The following NCOA3 variants were observed in gnomAD, a reference collection of about 807,000 sequenced individuals.
The protein encoded by NCOA3 is CBP-interacting protein.
A neutral mutation model predicts 158.8 loss-of-function variants in NCOA3; 51 were observed. The observed-to-expected ratio is 0.32, with a 90% CI of 0.26 to 0.41. The LOEUF (loss-of-function observed/expected upper bound fraction) is 0.41. Among genes scored for constraint, NCOA3 ranks in the 10% least tolerant of loss-of-function variants. The pLI, the probability that NCOA3 is intolerant of heterozygous loss-of-function variation, is 1.00. For missense variants in NCOA3, 1,510 were observed against 1,746.6 expected (o/e 0.86, Z 2.41); for synonymous variants, 537 against 592.4 (o/e 0.91, Z 1.36).
At chr20:47,516,513 A>G (rs1408902049) in intron 1 of NCOA3, among the ~76,000 whole-genome samples, 1 of 152,202 alleles carries the variant, frequency 6.6e-6, no homozygotes, top group Non-Finnish European at 1.5e-5. Context: ...ATACACACAT[A>G]GAATTAGAAA....
At position 47,652,459 on chromosome 20, in the gene NCOA3, G is replaced by A. The variant is rs759539523; in HGVS notation, c.4000G>A (p.Ala1334Thr). The change falls in exon 21 of 23, where the codon GCA (alanine) becomes ACA (threonine). Residue 1334 changes from alanine to threonine, a missense_variant. Physicochemically the swap from Ala to Thr is moderately conservative, Grantham distance 58. Transcript: ENST00000371998. Reference sequence around the variant, plus strand: ...TGGTCGAGTGTCTAGTCCTCCCAATGCAATGATGTCGTCAAGAATGGGTCC... The same window carrying A: ...TGGTCGAGTGTCTAGTCCTCCCAATACAATGATGTCGTCAAGAATGGGTCC... ...AFGRVSSPPN[A>T]MMSSRMGPSQ... 38 of 1,613,886 alleles carry A rather than the reference G, an allele frequency of 2.4e-5. No homozygotes were observed. Among genetic ancestry groups the A allele is most frequent in the Non-Finnish European group, 3.1e-5 (37 of 1,179,884 alleles).
intron 20 of NCOA3, among the ~76,000 whole-genome samples, chr20:47,651,843 T>A (rs1193062870): frequency 1.3e-5 from 2 of 151,134 alleles, no homozygotes; most frequent in Non-Finnish European, 3.0e-5. Flanking sequence ...TTTTTTTAAA[T>A]TTTTAATAGA....
chr20:47,528,079 T>C (rs543202499), intron 1 of NCOA3, among the ~76,000 whole-genome samples: 52 of 152,320 alleles, frequency 3.4e-4, no homozygotes, highest in African/African-American at 1.2e-3. Flanking sequence ...GCTTTGTTGG[T>C]ACAATTCTAA....
chr20:47,563,707 T>C (rs1014847311), intron 1 of NCOA3, among the ~76,000 whole-genome samples: 1 of 151,362 alleles, frequency 6.6e-6, no homozygotes, highest in Non-Finnish European at 1.5e-5. Flanking sequence ...ACCAACGTGG[T>C]GAAATGCCAT....
Position 47,656,557 on chromosome 20 carries a change from G to A in NCOA3, c.*3140G>A, listed in dbSNP as rs1465062702. 1.3e-5 allele frequency: 2 copies of A among 152,524 alleles called. No individual in the cohort carries two copies. Among genetic ancestry groups the A allele is most frequent in the African/African-American group, 4.8e-5 (2 of 41,386 alleles). The allele number at this position is 152,524 out of a possible 1,614,324, so 9.4% of individuals were successfully genotyped here. ...TAGGTTCCTAGGAGCAAAACCTCAA[G>A]GATTGATTTATTGTTTTCAACTCCA... On this transcript the variant is annotated 3_prime_UTR_variant, in exon 23 of 23. Transcript: ENST00000371998.
intron 1 of NCOA3, among the ~76,000 whole-genome samples, chr20:47,581,796 A>G (rs2085457786): frequency 6.6e-6 from 1 of 152,204 alleles, no homozygotes; most frequent in Admixed American, 6.5e-5. Context: ...TGCTGTTTAT[A>G]TGTTCATGTG....
chr20:47,648,917 C>T (rs1406943425), intron 18 of NCOA3, 88 bp from the exon 19 acceptor site: 5 of 721,920 alleles, frequency 6.9e-6, no homozygotes, highest in African/African-American at 3.5e-5. Flanking sequence ...GGAGATATTA[C>T]CTCATTGGCT....
Position 47,647,431 on chromosome 20 carries a change from T to C in NCOA3, c.3546+65T>C, listed in dbSNP as rs1602541424. ...GTTGTTTTCAGACTATGTTTCTCAGTGTTCTTACCACTGGTGCAATCTATC... is the reference window on the plus strand; with the variant it reads ...GTTGTTTTCAGACTATGTTTCTCAGCGTTCTTACCACTGGTGCAATCTATC... On this transcript the variant is annotated intron_variant, in intron 18 of 22. Transcript: ENST00000371998. The C allele has an allele frequency of 2.7e-6, 4 of 1,464,382 alleles. No individual in the cohort carries two copies. The East Asian group carries it at 9.1e-5, about 33-fold the overall frequency. 90.7% of individuals were successfully genotyped at this position (1,464,382 alleles called of 1,614,324 possible).
At chr20:47,626,034 G>GT (rs1232824705) in intron 5 of NCOA3, among the ~76,000 whole-genome samples, 1 of 152,156 alleles carries the variant, frequency 6.6e-6, no homozygotes, top group Non-Finnish European at 1.5e-5. Context: ...CTATCTTTGG[G>GT]AGGTCTTGGA....
At chr20:47,578,021 A>G (rs1041912770) in intron 1 of NCOA3, among the ~76,000 whole-genome samples, 5 of 152,198 alleles carry the variant, frequency 3.3e-5, no homozygotes, top group Non-Finnish European at 5.9e-5. Flanking sequence ...AGATTATAGC[A>G]TTTAAAAAAG....
chr20:47,616,681 G>A (rs900642421), intron 2 of NCOA3, among the ~76,000 whole-genome samples: 2 of 152,180 alleles, frequency 1.3e-5, no homozygotes, highest in Non-Finnish European at 2.9e-5. Context: ...GATAAAATGA[G>A]AAGTTCTTCC....
intron 1 of NCOA3, among the ~76,000 whole-genome samples, chr20:47,515,405 G>A (rs1346894613): frequency 6.7e-6 from 1 of 150,264 alleles, no homozygotes; most frequent in East Asian, 2.0e-4. Context: ...ACCCCCCTCG[G>A]CCTCCCAAAG....
intron 2 of NCOA3, among the ~76,000 whole-genome samples, chr20:47,613,349 T>A (rs891770278): frequency 5.3e-5 from 8 of 150,054 alleles, no homozygotes; most frequent in African/African-American, 2.0e-4. Context: ...TTTTTTTTTT[T>A]AACACTTACC....
At chr20:47,609,449 C>T (rs955255276) in intron 2 of NCOA3, among the ~76,000 whole-genome samples, 2 of 152,178 alleles carry the variant, frequency 1.3e-5, no homozygotes, top group Admixed American at 1.3e-4. Flanking sequence ...ATTTACTAGA[C>T]ATGGATAGGC....
chr20:47,627,180 G>T lies in NCOA3; in HGVS notation c.532+4G>T, dbSNP rs768509644. On this transcript the variant is annotated splice_donor_region_variant and intron_variant, in intron 6 of 22. Transcript: ENST00000371998. The stretch of plus-strand genomic sequence containing the variant: ...AAGAATTTACCAAAATCTACAGGTA[G>T]GCTTTTAATGTGTATTTTCTAAATA... 3 of 1,575,424 alleles carry T rather than the reference G, an allele frequency of 1.9e-6. No homozygotes were observed. Among genetic ancestry groups the T allele is most frequent in the Non-Finnish European group, 2.6e-6 (3 of 1,160,596 alleles).
In NCOA3 at chr20:47,627,117, A is replaced by C. The variant is rs751923218; in HGVS notation, c.473A>C (p.Tyr158Ser). The change falls in exon 6 of 23, where the codon TAC becomes TCC. Residue 158 changes from tyrosine (Y) to serine (S), a missense_variant. Tyr to Ser is a moderately radical substitution (Grantham distance 144, BLOSUM62 -2). This residue lies in a region of NCOA3 where 309 missense variants were observed against 427.1 expected (regional missense o/e 0.72). Coordinates refer to ENST00000371998, the MANE Select transcript of NCOA3 (RefSeq NM_181659.3). ...KQEDLVNTSV[Y>S]NILHEEDRKD... ...GAGGACCTGGTTAACACAAGTGTTT[A>C]CAATATCTTACATGAAGAAGACAGA... is the stretch of plus-strand genomic sequence containing the variant. 4 of 1,612,748 alleles carry C rather than the reference A, an allele frequency of 2.5e-6. No individual in the cohort carries two copies. The highest frequency in any genetic ancestry group is 2.5e-6 in the Non-Finnish European group (3 of 1,179,124).
intron 17 of NCOA3, 128 bp from the exon 18 acceptor site, chr20:47,646,945 G>A (rs182881988): frequency 4.5e-5 from 34 of 751,832 alleles, no homozygotes; most frequent in Non-Finnish European, 7.0e-5. Context: ...AGTGATGCCT[G>A]GCACATAACA....
rs771636428 is a variant in NCOA3, at chr20:47,633,532, C to A, written c.860C>A (p.Ser287Tyr). 4 of 1,612,738 alleles carry A rather than the reference C, an allele frequency of 2.5e-6. No homozygotes were observed. Among genetic ancestry groups the A allele is most frequent in the Non-Finnish European group, 2.5e-6 (3 of 1,179,366 alleles). ...VVNIDTNSLR[S>Y]SMRPGFEDII... Reference sequence around the variant, plus strand: ...AATATAGATACAAATTCACTGAGATCCTCCATGAGGCCTGGCTTTGAAGAT... The same window carrying A: ...AATATAGATACAAATTCACTGAGATACTCCATGAGGCCTGGCTTTGAAGAT... The change falls in exon 9 of 23, where the codon TCC (serine) becomes TAC (tyrosine). Residue 287 changes from serine to tyrosine, a missense_variant. By Grantham distance (144) the Ser-to-Tyr change is moderately radical. Transcript: ENST00000371998.
chr20:47,529,906 T>C (rs537388149), intron 1 of NCOA3, among the ~76,000 whole-genome samples: 1 of 152,364 alleles, frequency 6.6e-6, no homozygotes, highest in South Asian at 2.1e-4. Flanking sequence ...ATTAACTGCT[T>C]TGCAGGAAGA....
Sources: allele counts gnomAD v4.1 joint callset (sites outside exome capture counted in the v4.1 genomes callset), GRCh38; gene constraint gnomAD v4.1.1; regional missense constraint gnomAD v4.1.1; transcripts MANE v1.5; gene names NCBI Gene and HGNC (gene_info 2026-07-23, HGNC 2026-07-21).